KHDRBS2: variants seen among roughly 807,000 people sequenced by gnomAD.
KHDRBS2 encodes KH RNA binding domain containing, signal transduction associated 2.
A neutral mutation model predicts 44.3 loss-of-function variants in KHDRBS2; 26 were observed. The observed-to-expected ratio is 0.59, with a 90% CI of 0.43 to 0.81. KHDRBS2 has a LOEUF of 0.81. KHDRBS2 is among the 40% of genes least tolerant of loss of function. The pLI, the probability that KHDRBS2 is intolerant of heterozygous loss-of-function variation, is 0.00. For missense variants in KHDRBS2, 476 were observed against 433.1 expected (o/e 1.10, Z -0.88); for synonymous variants, 194 against 151.1 (o/e 1.28, Z -2.08).
chr6:61,561,063 G>A, the KHDRBS2 span, among the ~76,000 whole-genome samples: 27 of 152,270 alleles, frequency 1.8e-4, no homozygotes, highest in African/African-American at 3.1e-4. Context: ...CAGTACCGAC[G>A]TGTCTCTTGC....
intron 2 of KHDRBS2, among the ~76,000 whole-genome samples, chr6:62,082,979 T>A (rs1235432804): frequency 6.6e-6 from 1 of 152,138 alleles, no homozygotes; most frequent in African/African-American, 2.4e-5. Flanking sequence ...CAAAATGATA[T>A]GGATAGGAGG....
intron 4 of KHDRBS2, among the ~76,000 whole-genome samples, chr6:61,939,472 A>G (rs2127374113): frequency 6.6e-6 from 1 of 152,226 alleles, no homozygotes; most frequent in Non-Finnish European, 1.5e-5. Context: ...GTTTTTTTTC[A>G]CAGATATTTT....
At chr6:61,945,112 AGTATATATAT>A (rs1264171186) in intron 4 of KHDRBS2, among the ~76,000 whole-genome samples, 1 of 48,416 alleles carries the variant, frequency 2.1e-5, no homozygotes, top group Admixed American at 3.5e-4. Context: ...AAAAAAAAAA[AGTATATATAT>A]ATATATATAT....
At chr6:62,124,586 T>TACACACACACACAC (rs57845781) in intron 2 of KHDRBS2, among the ~76,000 whole-genome samples, 7,280 of 144,976 alleles carry the variant, frequency 0.05, 276 homozygotes, top group Non-Finnish European at 0.075. Flanking sequence ...TGAACTATAC[T>TACACACACACACAC]ACACACACAC....
intron 2 of KHDRBS2, among the ~76,000 whole-genome samples, chr6:62,134,406 G>T (rs1475506442): frequency 1.3e-5 from 2 of 152,180 alleles, no homozygotes. Flanking sequence ...GTATGGAAAT[G>T]CCTGGGTATC....
At chr6:61,558,559 C>T in the KHDRBS2 span, among the ~76,000 whole-genome samples, 2 of 152,112 alleles carry the variant, frequency 1.3e-5, no homozygotes, top group Non-Finnish European at 2.9e-5. Context: ...GAACCTGTCT[C>T]AACAAACAAA....
chr6:61,861,597 A>C (rs1796978027), intron 6 of KHDRBS2, among the ~76,000 whole-genome samples: 1 of 150,210 alleles, frequency 6.7e-6, no homozygotes, highest in African/African-American at 2.4e-5. Flanking sequence ...TACCAGTACC[A>C]TGCTGTTTCA....
At chr6:62,161,085 T>C (rs1285639049) in intron 2 of KHDRBS2, among the ~76,000 whole-genome samples, 1 of 152,118 alleles carries the variant, frequency 6.6e-6, no homozygotes, top group Non-Finnish European at 1.5e-5. Context: ...ATTTCTCCTT[T>C]TATGAATGGC....
intron 6 of KHDRBS2, among the ~76,000 whole-genome samples, chr6:61,761,749 T>G (rs1471081015): frequency 1.3e-5 from 2 of 152,160 alleles, no homozygotes; most frequent in Non-Finnish European, 1.5e-5. Flanking sequence ...CTATTCCATT[T>G]TGTAAAATGG....
chr6:62,083,882 C>G (rs1797902175), intron 2 of KHDRBS2, among the ~76,000 whole-genome samples: 2 of 152,064 alleles, frequency 1.3e-5, no homozygotes, highest in South Asian at 4.1e-4. Context: ...TAGTTGTTTT[C>G]CAAATTTATT....
intron 2 of KHDRBS2, among the ~76,000 whole-genome samples, chr6:62,096,029 T>A (rs866614242): frequency 1.3e-5 from 2 of 152,142 alleles, no homozygotes; most frequent in African/African-American, 2.4e-5. Flanking sequence ...ATTTATTGAT[T>A]TGCGTATATT....
intron 4 of KHDRBS2, among the ~76,000 whole-genome samples, chr6:61,961,620 G>A (rs1768744351): frequency 6.6e-6 from 1 of 152,052 alleles, no homozygotes; most frequent in African/African-American, 2.4e-5. Flanking sequence ...TGCTGAAATG[G>A]AGACTTGTGG....
intron 3 of KHDRBS2, among the ~76,000 whole-genome samples, chr6:61,998,995 TC>T (rs1777735110): frequency 6.6e-6 from 1 of 152,180 alleles, no homozygotes; most frequent in African/African-American, 2.4e-5. Flanking sequence ...ATTTGTGTTT[TC>T]TTTGCCTACA....
chr6:61,699,296 T>C (rs1768292463), intron 7 of KHDRBS2, among the ~76,000 whole-genome samples: 1 of 152,074 alleles, frequency 6.6e-6, no homozygotes, highest in Non-Finnish European at 1.5e-5. Context: ...TTAATTTAAT[T>C]ATTATTGGGC....
chr6:62,113,602 G>A (rs768009043), intron 2 of KHDRBS2, among the ~76,000 whole-genome samples: 6 of 151,950 alleles, frequency 3.9e-5, no homozygotes, highest in Non-Finnish European at 5.9e-5. Context: ...TAACACAATC[G>A]CATGGCCTCT....
chr6:61,874,037 T>C (rs915416756), intron 6 of KHDRBS2, among the ~76,000 whole-genome samples: 2 of 152,068 alleles, frequency 1.3e-5, no homozygotes, highest in African/African-American at 4.8e-5. Context: ...TCTCTCTATA[T>C]ATAATTCTTC....
intron 4 of KHDRBS2, among the ~76,000 whole-genome samples, chr6:61,920,762 A>T (rs1270615710): frequency 6.6e-6 from 1 of 151,970 alleles, no homozygotes; most frequent in African/African-American, 2.4e-5. Context: ...GTACGTTTAG[A>T]CATAGTGATT....
At chr6:61,780,642 A>AT (rs1348566921) in intron 6 of KHDRBS2, among the ~76,000 whole-genome samples, 1 of 152,212 alleles carries the variant, frequency 6.6e-6, no homozygotes, top group Non-Finnish European at 1.5e-5. Context: ...ATCCATGATC[A>AT]TTTTTACCCA....
rs1777194705 is a variant in KHDRBS2 at position 61,748,598 on chromosome 6, G to A, written c.811-15834C>T. On this transcript the variant is annotated intron_variant, in intron 6 of 8. Transcript: ENST00000281156. ...AATAAACATTTTTATATATTCTATT[G>A]TAACTATCAAATGTAACTTATATGG... Among the ~76,000 whole-genome samples, 3 of 152,246 alleles carry A rather than the reference G, an allele frequency of 2.0e-5. 1 individual carries two copies. The South Asian group carries it at 6.2e-4, about 32-fold the overall frequency.
Sources: gnomAD v4.1 joint callset for allele counts (sites outside exome capture counted in the v4.1 genomes callset) on GRCh38, gnomAD v4.1.1 for gene constraint, MANE v1.5 for transcripts, NCBI Gene and HGNC (gene_info 2026-07-23, HGNC 2026-07-21) for gene names.